CLEC16A: variants seen among roughly 807,000 people sequenced by gnomAD.
CLEC16A encodes the protein C-type lectin domain containing 16A, also known as protein CLEC16A.
A neutral mutation model predicts 109.5 loss-of-function variants in CLEC16A; 51 were observed. The ratio of observed to expected loss-of-function variants is 0.47; its 90% CI spans 0.37 to 0.59. The LOEUF is 0.59. Ranked by LOEUF, CLEC16A falls within the 20% of genes least tolerant of loss-of-function variation. The pLI is 0.00. For synonymous variants in CLEC16A, 673 were observed against 564.2 expected, an observed-to-expected ratio of 1.19 and a Z score of -2.73; for missense variants, 1,339 against 1,394.0, an observed-to-expected ratio of 0.96 and a Z score of 0.63.
intron 11 of CLEC16A, among the ~76,000 whole-genome samples, chr16:11,008,756 C>T (rs779392855): frequency 4.0e-5 from 6 of 149,480 alleles, no homozygotes; most frequent in Admixed American, 2.0e-4. Context: ...TTTGGGAGGC[C>T]GAGGTGGGCA....
At chr16:10,981,779 G>T (rs973824876) in intron 9 of CLEC16A, among the ~76,000 whole-genome samples, 1 of 152,236 alleles carries the variant, frequency 6.6e-6, no homozygotes, top group African/African-American at 2.4e-5. Flanking sequence ...AGGGTTACAG[G>T]GTTCTCGTAT....
intron 22 of CLEC16A, among the ~76,000 whole-genome samples, chr16:11,156,115 A>T (rs1041947389): frequency 6.6e-6 from 1 of 152,164 alleles, no homozygotes; most frequent in Non-Finnish European, 1.5e-5. Flanking sequence ...TAATCCCAGC[A>T]CTTTGGGAGG....
intron 10 of CLEC16A, among the ~76,000 whole-genome samples, chr16:10,987,275 A>G (rs2043728616): frequency 6.6e-6 from 1 of 152,140 alleles, no homozygotes; most frequent in Non-Finnish European, 1.5e-5. Flanking sequence ...ACATCTTGCA[A>G]AACTCTAGTA....
At chr16:11,084,595 G>A (rs1429843775) in intron 19 of CLEC16A, among the ~76,000 whole-genome samples, 2 of 152,180 alleles carry the variant, frequency 1.3e-5, no homozygotes, top group Non-Finnish European at 2.9e-5. Context: ...CACTTTGCGT[G>A]GGTCTCTTTC....
chr16:10,959,658 C>G (rs1263580367), intron 2 of CLEC16A, among the ~76,000 whole-genome samples: 2 of 151,320 alleles, frequency 1.3e-5, no homozygotes, highest in Non-Finnish European at 2.9e-5. Context: ...TCCCTAAGTG[C>G]TGGGATTACA....
chr16:11,042,959 C>T (rs958144300), intron 15 of CLEC16A, among the ~76,000 whole-genome samples: 14 of 150,374 alleles, frequency 9.3e-5, no homozygotes, highest in East Asian at 3.9e-4. Flanking sequence ...TTATACACTA[C>T]GTATATTTAC....
chr16:10,962,304 T>C (rs1044873476), intron 2 of CLEC16A, 151 bp from the exon 3 acceptor site: 15 of 798,944 alleles, frequency 1.9e-5, no homozygotes, highest in African/African-American at 5.2e-5. Context: ...GGAATTCCAG[T>C]TGTGGCGGGT....
chr16:11,157,453 T>C (rs533549470), intron 22 of CLEC16A, among the ~76,000 whole-genome samples: 1 of 152,306 alleles, frequency 6.6e-6, no homozygotes, highest in South Asian at 2.1e-4. Flanking sequence ...CAGAGTTTTG[T>C]GCACTGAAAC....
intron 12 of CLEC16A, 110 bp from the exon 13 acceptor site, chr16:11,024,711 G>C: frequency 1.3e-6 from 1 of 744,292 alleles, no homozygotes. Context: ...ACACAGTTGT[G>C]GCCTAAAGAG....
At chr16:11,052,612 C>T (rs1012489385) in intron 18 of CLEC16A, among the ~76,000 whole-genome samples, 1 of 152,196 alleles carries the variant, frequency 6.6e-6, no homozygotes, top group East Asian at 1.9e-4. Context: ...GGCCCACTGA[C>T]GCCTTCCTTC....
chr16:11,124,001 G>C, intron 21 of CLEC16A, 55 bp downstream of exon 21: 1 of 1,504,478 alleles, frequency 6.6e-7, no homozygotes, highest in Non-Finnish European at 9.0e-7. Context: ...GGTCAGGGCT[G>C]TTTGTAGTTC....
intron 1 of CLEC16A, among the ~76,000 whole-genome samples, chr16:10,948,070 T>C (rs372369252): frequency 2.6e-5 from 4 of 152,162 alleles, no homozygotes; most frequent in East Asian, 3.9e-4. Context: ...ATTTTTTGTA[T>C]TTTTAGTAGA....
Position 11,018,164 on chromosome 16 carries a change from G to A in CLEC16A, c.1304-2029G>A, listed in dbSNP as rs114106288. Among the ~76,000 whole-genome samples the A allele has an allele frequency of 5.0e-3, 763 of 151,758 alleles. 4 individuals are homozygous for A. The highest frequency in any genetic ancestry group is 0.017 in the African/African-American group (717 of 41,376). On this transcript the variant is annotated intron_variant, in intron 11 of 23. Coordinates refer to ENST00000409790, the MANE Select transcript of CLEC16A (RefSeq NM_015226.3). The stretch of plus-strand genomic sequence containing the variant: ...CTCTACAAATACTAAAAAATTAGCC[G>A]GGTGTGCTGGCATGTACCTGTGTTC...
At chr16:11,051,871 CAG>C (rs1405069182) in intron 18 of CLEC16A, among the ~76,000 whole-genome samples, 1 of 152,210 alleles carries the variant, frequency 6.6e-6, no homozygotes, top group African/African-American at 2.4e-5. Flanking sequence ...GTGTTGGCTG[CAG>C]AGAGGTAGCC....
At chr16:11,107,277 G>T (rs1233067040) in intron 19 of CLEC16A, among the ~76,000 whole-genome samples, 1 of 152,004 alleles carries the variant, frequency 6.6e-6, no homozygotes, top group African/African-American at 2.4e-5. Context: ...GTTAGAGGGT[G>T]CGGCTTATAG....
chr16:10,948,785 G>C (rs78713374), intron 1 of CLEC16A, among the ~76,000 whole-genome samples: 1 of 152,126 alleles, frequency 6.6e-6, no homozygotes. Flanking sequence ...GTCAGAAATC[G>C]GCCTTTTTCC....
intron 22 of CLEC16A, among the ~76,000 whole-genome samples, chr16:11,146,182 T>A (rs1018049912): frequency 2.6e-5 from 4 of 152,092 alleles, no homozygotes; most frequent in African/African-American, 9.7e-5. Flanking sequence ...GGCAACCCTG[T>A]CCCCACTCCC....
At chr16:11,091,479 A>T (rs2050301257) in intron 19 of CLEC16A, among the ~76,000 whole-genome samples, 1 of 152,126 alleles carries the variant, frequency 6.6e-6, no homozygotes, top group African/African-American at 2.4e-5. Flanking sequence ...AGCCTTCTGC[A>T]CCTACTGAGT....
chr16:11,131,676 G>A (rs540400606), intron 22 of CLEC16A, among the ~76,000 whole-genome samples: 13 of 152,286 alleles, frequency 8.5e-5, no homozygotes, highest in South Asian at 2.1e-4. Context: ...CCACCAGCCT[G>A]TTAACTCCGG....
Sources: gnomAD v4.1 joint callset for allele counts (sites outside exome capture counted in the v4.1 genomes callset) on GRCh38, gnomAD v4.1.1 for gene constraint, MANE v1.5 for transcripts, NCBI Gene and HGNC (gene_info 2026-07-23, HGNC 2026-07-21) for gene names.